The following CDH18 variants were observed in gnomAD, a reference collection of about 807,000 sequenced individuals.
CDH18 encodes cadherin-18.
Under a neutral mutation model 67.9 loss-of-function variants are expected in CDH18, and 31 were observed. The ratio of observed to expected loss-of-function variants is 0.46; its 90% confidence interval spans 0.34 to 0.62. The LOEUF (loss-of-function observed/expected upper bound fraction) is 0.62, where lower values mean the gene tolerates loss of function less well. CDH18 is among the 20% of genes least tolerant of loss of function. The probability of loss-of-function intolerance (pLI) is 0.01; values close to 1 mark genes in which losing one functional copy is unlikely to be tolerated. For synonymous variants in CDH18, 362 were observed against 347.2 expected, an observed-to-expected ratio of 1.04 and a Z score of -0.48; for missense variants, 890 against 975.5, an observed-to-expected ratio of 0.91 and a Z score of 1.17.
chr5:20,533,519 C>T (rs1756539050), intron 1 of CDH18, among the ~76,000 whole-genome samples: 1 of 151,968 alleles, frequency 6.6e-6, no homozygotes, highest in African/African-American at 2.4e-5. Flanking sequence ...ATACATAGAA[C>T]AAAACGTGCT....
intron 3 of CDH18, among the ~76,000 whole-genome samples, chr5:19,760,056 C>A (rs777596064): frequency 6.6e-6 from 1 of 152,126 alleles, no homozygotes; most frequent in Admixed American, 6.6e-5. Context: ...CAGAGCTCTA[C>A]GCGAGTCACA....
chr5:19,662,508 T>C (rs746639479), intron 5 of CDH18, among the ~76,000 whole-genome samples: 2 of 152,080 alleles, frequency 1.3e-5, no homozygotes, highest in African/African-American at 2.4e-5. Flanking sequence ...AAGTACGTAA[T>C]TGTACAGTTT....
chr5:19,891,423 C>T (rs1788772777), intron 2 of CDH18, among the ~76,000 whole-genome samples: 1 of 151,996 alleles, frequency 6.6e-6, no homozygotes. Flanking sequence ...AAACTAGAAC[C>T]CTTCAACTTG....
intron 1 of CDH18, among the ~76,000 whole-genome samples, chr5:20,373,942 A>G (rs943143178): frequency 1.3e-5 from 2 of 152,208 alleles, no homozygotes; most frequent in African/African-American, 4.8e-5. Flanking sequence ...AAGTACATGT[A>G]TATAAGTGAT....
intron 2 of CDH18, among the ~76,000 whole-genome samples, chr5:19,994,248 T>TAA (rs1800146886): frequency 6.6e-6 from 1 of 150,740 alleles, no homozygotes; most frequent in African/African-American, 2.4e-5. Flanking sequence ...CACACACATA[T>TAA]ACACATATAT....
At chr5:20,058,440 G>A (rs1461110747) in intron 2 of CDH18, among the ~76,000 whole-genome samples, 1 of 151,956 alleles carries the variant, frequency 6.6e-6, no homozygotes, top group African/African-American at 2.4e-5. Context: ...CACAGGTAAG[G>A]GACTCATAAT....
rs188678897 is a variant in CDH18, at chr5:19,898,902, T to G, written c.-256-59660A>C. 7.2e-5 allele frequency among the ~76,000 whole-genome samples: 11 copies of G among 152,300 alleles called. 1 individual carries two copies. The East Asian group carries it at 2.1e-3, about 29-fold the overall frequency. On this transcript the variant is annotated intron_variant, in intron 2 of 12. Transcript: ENST00000382275. ...AAATGGGAGAAATATTTGAAAATCA[T>G]ATATCTGTTAAGAGGCTCATTACAA...
intron 1 of CDH18, among the ~76,000 whole-genome samples, chr5:20,434,159 C>A (rs191265802): frequency 6.6e-6 from 1 of 152,090 alleles, no homozygotes; most frequent in Non-Finnish European, 1.5e-5. Context: ...GCAGGTCCTA[C>A]ATCTGATATT....
intron 2 of CDH18, among the ~76,000 whole-genome samples, chr5:20,066,755 T>A (rs1743012846): frequency 6.6e-6 from 1 of 151,988 alleles, no homozygotes; most frequent in African/African-American, 2.4e-5. Context: ...ATATTGAAGA[T>A]CCTCAGCAAA....
chr5:19,923,325 GA>G (rs1792715646), intron 2 of CDH18, among the ~76,000 whole-genome samples: 1 of 152,106 alleles, frequency 6.6e-6, no homozygotes, highest in Non-Finnish European at 1.5e-5. Context: ...ACATGAAACA[GA>G]GACAAGTTAT....
At chr5:19,666,168 C>T (rs1258947304) in intron 5 of CDH18, among the ~76,000 whole-genome samples, 1 of 151,298 alleles carries the variant, frequency 6.6e-6, no homozygotes, top group East Asian at 1.9e-4. Context: ...CTCTGGGGTT[C>T]AAGTGATCCT....
chr5:20,296,447 G>A (rs1383835524), intron 1 of CDH18, among the ~76,000 whole-genome samples: 3 of 151,510 alleles, frequency 2.0e-5, no homozygotes, highest in Non-Finnish European at 2.9e-5. Context: ...ATTTTTAGTA[G>A]AGACGGGGTT....
At chr5:20,408,119 GA>G (rs902419353) in intron 1 of CDH18, among the ~76,000 whole-genome samples, 5 of 151,718 alleles carry the variant, frequency 3.3e-5, no homozygotes, top group African/African-American at 9.7e-5. Flanking sequence ...ATTACTGAAA[GA>G]AAAAAACTAC....
At chr5:19,718,643 T>C (rs1765632059) in intron 5 of CDH18, among the ~76,000 whole-genome samples, 1 of 151,986 alleles carries the variant, frequency 6.6e-6, no homozygotes, top group African/African-American at 2.4e-5. Context: ...GATACTTGCA[T>C]ATTTAAAAGA....
intron 2 of CDH18, among the ~76,000 whole-genome samples, chr5:19,903,627 T>C (rs939579055): frequency 1.4e-5 from 2 of 145,034 alleles, no homozygotes; most frequent in African/African-American, 2.5e-5. Context: ...CTTTTTTTTT[T>C]TTTTTTTTTT....
At chr5:20,188,330 G>A (rs1279975396) in intron 2 of CDH18, among the ~76,000 whole-genome samples, 1 of 151,920 alleles carries the variant, frequency 6.6e-6, no homozygotes, top group African/African-American at 2.4e-5. Context: ...GTTAGAGCAT[G>A]ACTCACATAT....
At chr5:19,484,900 T>A (rs1020369285) in intron 11 of CDH18, among the ~76,000 whole-genome samples, 1 of 152,178 alleles carries the variant, frequency 6.6e-6, no homozygotes, top group African/African-American at 2.4e-5. Context: ...AGTTAATTAT[T>A]TTGCACTAAA....
At chr5:20,538,766 T>A (rs1254201059) in intron 1 of CDH18, among the ~76,000 whole-genome samples, 1 of 152,060 alleles carries the variant, frequency 6.6e-6, no homozygotes, top group East Asian at 1.9e-4. Context: ...AAAAGAAAAA[T>A]ATTGCATGTT....
At chr5:20,003,667 C>T (rs1409197233) in intron 2 of CDH18, among the ~76,000 whole-genome samples, 3 of 152,160 alleles carry the variant, frequency 2.0e-5, no homozygotes, top group East Asian at 1.9e-4. Flanking sequence ...GGCCGAGGTG[C>T]GGATCACGAG....
Sources: gnomAD v4.1 joint callset for allele counts (sites outside exome capture counted in the v4.1 genomes callset) on GRCh38, gnomAD v4.1.1 for gene constraint, MANE v1.5 for transcripts, NCBI Gene and HGNC (gene_info 2026-07-23, HGNC 2026-07-21) for gene names.